The following ARHGEF38 variants were observed in gnomAD, a reference collection of about 807,000 sequenced individuals.
ARHGEF38 encodes the protein Rho guanine nucleotide exchange factor (GEF) 38.
ARHGEF38 carries 79 observed loss-of-function variants against 79.9 expected under a neutral mutation model. The ratio of observed to expected loss-of-function variants is 0.99; its 90% CI spans 0.82 to 1.19. The LOEUF is 1.19. ARHGEF38 is among the 50% of genes most tolerant of loss of function. The pLI is 0.00. For missense variants in ARHGEF38, 962 were observed against 907.2 expected, an observed-to-expected ratio of 1.06 and a Z score of -0.78; for synonymous variants, 366 against 328.3, an observed-to-expected ratio of 1.11 and a Z score of -1.24.
At chr4:105,643,686 A>G (rs1031486453) in intron 5 of ARHGEF38, among the ~76,000 whole-genome samples, 1 of 152,180 alleles carries the variant, frequency 6.6e-6, no homozygotes, top group Non-Finnish European at 1.5e-5. Flanking sequence ...ATAAACTGGC[A>G]AATAGGGAAA....
intron 1 of ARHGEF38, among the ~76,000 whole-genome samples, chr4:105,574,619 C>T (rs929800490): frequency 2.0e-5 from 3 of 151,066 alleles, no homozygotes; most frequent in African/African-American, 7.3e-5. Flanking sequence ...AGAAGAGAAG[C>T]CTTCAGTCTT....
intron 13 of ARHGEF38, among the ~76,000 whole-genome samples, chr4:105,674,781 A>T (rs903726566): frequency 6.6e-6 from 1 of 152,090 alleles, no homozygotes; most frequent in African/African-American, 2.4e-5. Flanking sequence ...AATATTTAGA[A>T]TATAAACTAT....
chr4:105,610,569 A>G (rs1728250042), intron 2 of ARHGEF38, among the ~76,000 whole-genome samples: 2 of 152,050 alleles, frequency 1.3e-5, no homozygotes, highest in Non-Finnish European at 1.5e-5. Flanking sequence ...TCATAAAATC[A>G]TCTATCAGTT....
intron 13 of ARHGEF38, among the ~76,000 whole-genome samples, chr4:105,670,991 A>G (rs372064436): frequency 1.3e-5 from 2 of 152,200 alleles, no homozygotes; most frequent in Admixed American, 1.3e-4. Context: ...TCTCCAAGCA[A>G]TCCTATCAAT....
chr4:105,561,459 A>AATGGAATGGAATGGAATGGAATG (rs1725574431), intron 1 of ARHGEF38: 2 of 38,078 alleles, frequency 5.3e-5, no homozygotes, highest in Non-Finnish European at 5.3e-5. Flanking sequence ...GGAATAGAAT[A>AATGGAATGGAATGGAATGGAATG]GAATAGAATA....
At chr4:105,571,528 G>T (rs888668428) in intron 1 of ARHGEF38, among the ~76,000 whole-genome samples, 2 of 151,838 alleles carry the variant, frequency 1.3e-5, no homozygotes, top group African/African-American at 2.4e-5. Context: ...TCACTGTGTT[G>T]GCCAGGCTGG....
At chr4:105,648,409 A>G in intron 6 of ARHGEF38, 140 bp from the exon 7 acceptor site, 2 of 659,944 alleles carry the variant, frequency 3.0e-6, no homozygotes, top group Non-Finnish European at 4.6e-6. Context: ...GGGCTGGAGC[A>G]TATGGCCTCT....
intron 7 of ARHGEF38, among the ~76,000 whole-genome samples, chr4:105,650,925 G>T (rs1730077387): frequency 6.6e-6 from 1 of 152,112 alleles, no homozygotes; most frequent in South Asian, 2.1e-4. Flanking sequence ...TTCAACTAAA[G>T]ACAACCATAT....
intron 1 of ARHGEF38, among the ~76,000 whole-genome samples, chr4:105,560,291 T>C (rs986320803): frequency 6.6e-6 from 1 of 152,224 alleles, no homozygotes; most frequent in Non-Finnish European, 1.5e-5. Flanking sequence ...AACTGTCTTA[T>C]AGTAATAGCT....
chr4:105,666,257 A>C lies in ARHGEF38; in HGVS notation c.1626A>C (p.Glu542Asp). The change falls in exon 11 of 14, where the codon GAA becomes GAC. Residue 542 changes from glutamate to aspartate, a missense_variant. Transcript: ENST00000420470. ...TCCAAAATTTGAATTGTGTGAAAGA[A>C]AACAGTGCCACCTTTATTGAGAGGA... is the stretch of plus-strand genomic sequence containing the variant. The part of the protein sequence containing the change: ...EEIQNLNCVK[E>D]NSATFIERKL... The C allele has an allele frequency of 6.5e-7, 1 of 1,535,482 alleles. No individual in the cohort carries two copies. The highest frequency in any genetic ancestry group is 8.7e-7 in the Non-Finnish European group (1 of 1,146,570).
intron 1 of ARHGEF38, among the ~76,000 whole-genome samples, chr4:105,568,921 A>T (rs1010560874): frequency 5.3e-5 from 8 of 152,220 alleles, no homozygotes; most frequent in Non-Finnish European, 1.0e-4. Flanking sequence ...GTAAGGCATT[A>T]AACAAAACCT....
chr4:105,582,750 A>G (rs923766445), intron 1 of ARHGEF38, among the ~76,000 whole-genome samples: 4 of 152,200 alleles, frequency 2.6e-5, no homozygotes, highest in African/African-American at 7.2e-5. Flanking sequence ...TGTTTAAAAT[A>G]TCACTATTAA....
intron 1 of ARHGEF38, among the ~76,000 whole-genome samples, chr4:105,557,509 T>A (rs1377300739): frequency 6.6e-6 from 1 of 150,974 alleles, no homozygotes; most frequent in East Asian, 2.0e-4. Context: ...TGAAACCTAA[T>A]CCCCAATGTG....
At position 105,659,151 on chromosome 4, in the gene ARHGEF38, T is replaced by A; in HGVS notation, c.1331T>A (p.Leu444Gln). 1.3e-6 allele frequency: 2 copies of A among 1,536,200 alleles called. No individual in the cohort carries two copies. ...CTCATCCAGAAACGCTATGACAAAC[T>A]GCTGGATTGCAACAGCTACCTGCAG... ...HKLIQKRYDK[L>Q]LDCNSYLQRS... Residue 444 changes from leucine (L) to glutamine (Q), a missense_variant, in exon 10 of 14, where the codon CTG (leucine) becomes CAG (glutamine). Transcript: ENST00000420470.
Position 105,680,060 on chromosome 4 carries a change from CT to C in ARHGEF38, c.*2124del. 1.2e-6 allele frequency: 1 copy of C among 808,282 alleles called. No homozygotes were observed. The allele number at this position is 808,282 out of a possible 1,614,324, so 50.1% of individuals were successfully genotyped here. ...CTTCGTCTCACAGAAAATAATAGCC[CT>C]CCCTTCAGATCCACTGTAGACTTGA... On this transcript the variant is annotated 3_prime_UTR_variant, in exon 14 of 14. Coordinates refer to ENST00000420470, the MANE Select transcript of ARHGEF38 (RefSeq NM_001242729.2).
chr4:105,583,213 T>C (rs1416007036), intron 1 of ARHGEF38, among the ~76,000 whole-genome samples: 1 of 152,248 alleles, frequency 6.6e-6, no homozygotes, highest in Admixed American at 6.5e-5. Context: ...TTTATTTTAA[T>C]GGTTGGCCTT....
chr4:105,658,915 C>A (rs1730446767), intron 9 of ARHGEF38, 139 bp from the exon 10 acceptor site: 1 of 706,118 alleles, frequency 1.4e-6, no homozygotes, highest in East Asian at 2.7e-5. Flanking sequence ...ATGATCAGAT[C>A]CTCTTTTAAT....
intron 1 of ARHGEF38, among the ~76,000 whole-genome samples, chr4:105,558,990 G>A (rs1214950757): frequency 1.1e-4 from 16 of 150,956 alleles, no homozygotes. Context: ...TTGGAGAAAT[G>A]ATGGGAGAGA....
In ARHGEF38 at chr4:105,555,731, G is replaced by A. The variant is rs886419650; in HGVS notation, c.196+2770G>A. ...GTTATTTAATTGGTTGTCCTTCAAT[G>A]CTATATTACCTGAGTAAAATTCACT... On this transcript the variant is annotated intron_variant, in intron 1 of 13. Transcript: ENST00000420470. Among the ~76,000 whole-genome samples, 9 of 152,080 alleles carry A rather than the reference G, an allele frequency of 5.9e-5. No homozygotes were observed. The South Asian group carries it at 6.2e-4, about 11-fold the overall frequency.
Sources: allele counts gnomAD v4.1 joint callset (sites outside exome capture counted in the v4.1 genomes callset), GRCh38; gene constraint gnomAD v4.1.1; transcripts MANE v1.5; gene names NCBI Gene and HGNC (gene_info 2026-07-23, HGNC 2026-07-21).